ARHGAP42: variants seen among roughly 807,000 people sequenced by gnomAD.
The protein encoded by ARHGAP42 is Rho GTPase activating protein 42, also known as rho GTPase-activating protein 42.
A neutral mutation model predicts 125.0 loss-of-function variants in ARHGAP42; 63 were observed. The ratio of observed to expected loss-of-function variants is 0.50; its 90% CI spans 0.41 to 0.62. The LOEUF (loss-of-function observed/expected upper bound fraction) is 0.62, where lower values mean the gene tolerates loss of function less well. ARHGAP42 is among the 20% of genes least tolerant of loss of function. The pLI is 0.00. For synonymous variants in ARHGAP42, 339 were observed against 351.0 expected (o/e 0.97, Z 0.38); for missense variants, 766 against 1,024.2 (o/e 0.75, Z 3.44).
chr11:100,976,385 A>G lies in ARHGAP42; in HGVS notation c.2184A>G (p.Ser728=), dbSNP rs1436359053. 1 of 1,546,094 alleles carries G rather than the reference A, an allele frequency of 6.5e-7. No homozygotes were observed. Among genetic ancestry groups the G allele is most frequent in the Non-Finnish European group, 8.7e-7 (1 of 1,145,570 alleles). The part of the protein sequence containing the change: ...DLVKKEPYGL[S]GLKRASASSL... ...TCAAGAAAGAGCCTTATGGGCTTTCAGGACTGAAAAGAGCTTCTGCTTCTT... is the reference window on the plus strand; with the variant it reads ...TCAAGAAAGAGCCTTATGGGCTTTCGGGACTGAAAAGAGCTTCTGCTTCTT... Residue 728 remains serine (S), a synonymous_variant, in exon 20 of 24, where the codon TCA becomes TCG. Coordinates refer to ENST00000298815, the MANE Select transcript of ARHGAP42 (RefSeq NM_152432.4).
At chr11:100,720,999 C>T (rs1861748893) in intron 1 of ARHGAP42, among the ~76,000 whole-genome samples, 1 of 151,758 alleles carries the variant, frequency 6.6e-6, no homozygotes, top group African/African-American at 2.4e-5. Flanking sequence ...TACAATATTA[C>T]CCACCTCTTC....
At chr11:100,987,940 C>T (rs1195475989) in intron 23 of ARHGAP42, among the ~76,000 whole-genome samples, 4 of 152,070 alleles carry the variant, frequency 2.6e-5, no homozygotes, top group Admixed American at 6.6e-5. Flanking sequence ...CCATCTTGGC[C>T]AACATGGTGA....
chr11:100,858,468 T>C (rs1865375461), intron 3 of ARHGAP42, among the ~76,000 whole-genome samples: 2 of 152,148 alleles, frequency 1.3e-5, no homozygotes, highest in African/African-American at 4.8e-5. Context: ...CTAGTTTTTA[T>C]TTTTGTATAT....
intron 2 of ARHGAP42, among the ~76,000 whole-genome samples, chr11:100,774,303 C>T (rs564295227): frequency 2.6e-4 from 40 of 152,272 alleles, no homozygotes; most frequent in African/African-American, 9.6e-4. Flanking sequence ...GCTTGTCCAC[C>T]TTCATTGGCT....
At chr11:100,885,763 T>C (rs1232606226) in intron 4 of ARHGAP42, among the ~76,000 whole-genome samples, 1 of 152,208 alleles carries the variant, frequency 6.6e-6, no homozygotes, top group Non-Finnish European at 1.5e-5. Flanking sequence ...ATAATTTTAT[T>C]GCATATATAT....
chr11:100,758,569 G>C (rs769954301), intron 1 of ARHGAP42, among the ~76,000 whole-genome samples: 1 of 152,094 alleles, frequency 6.6e-6, no homozygotes, highest in South Asian at 2.1e-4. Context: ...TATCTTTTTA[G>C]GTCCAGAGAA....
intron 1 of ARHGAP42, among the ~76,000 whole-genome samples, chr11:100,741,405 G>C (rs955864005): frequency 2.0e-5 from 3 of 152,170 alleles, no homozygotes; most frequent in Non-Finnish European, 4.4e-5. Context: ...GTCTGTAAAG[G>C]CATGACGGTA....
At chr11:100,870,064 T>C (rs1309680991) in intron 4 of ARHGAP42, among the ~76,000 whole-genome samples, 1 of 152,220 alleles carries the variant, frequency 6.6e-6, no homozygotes, top group Non-Finnish European at 1.5e-5. Context: ...GACATCTATG[T>C]GAAAGATCTT....
chr11:100,853,487 A>C (rs1274908681), intron 3 of ARHGAP42, among the ~76,000 whole-genome samples: 1 of 152,196 alleles, frequency 6.6e-6, no homozygotes, highest in Admixed American at 6.6e-5. Context: ...TAGTTTCAGA[A>C]CAAGAAGAAG....
intron 1 of ARHGAP42, among the ~76,000 whole-genome samples, chr11:100,707,136 T>C (rs1398115046): frequency 6.6e-6 from 1 of 152,248 alleles, no homozygotes; most frequent in Non-Finnish European, 1.5e-5. Context: ...CAAATTTTGT[T>C]ATCAATTTGT....
At chr11:100,870,398 A>T (rs1421032050) in intron 4 of ARHGAP42, among the ~76,000 whole-genome samples, 2 of 152,222 alleles carry the variant, frequency 1.3e-5, no homozygotes, top group Non-Finnish European at 2.9e-5. Flanking sequence ...CTGTAGATAC[A>T]TTCTTTCCTC....
intron 1 of ARHGAP42, among the ~76,000 whole-genome samples, chr11:100,733,391 G>A (rs988907945): frequency 1.3e-5 from 2 of 152,134 alleles, no homozygotes; most frequent in African/African-American, 4.8e-5. Context: ...GTCTACAGTA[G>A]GGCTAAGAAA....
chr11:100,688,001 T>C (rs1861116924), intron 1 of ARHGAP42, 169 bp downstream of exon 1: 1 of 665,702 alleles, frequency 1.5e-6, no homozygotes, highest in East Asian at 3.0e-5. Context: ...TCTTGAGGTG[T>C]TCTTTACTTA....
chr11:100,900,464 G>A (rs906476615), intron 4 of ARHGAP42, among the ~76,000 whole-genome samples: 2 of 152,244 alleles, frequency 1.3e-5, no homozygotes, highest in Admixed American at 6.5e-5. Flanking sequence ...GCCTTGCTAG[G>A]TTGGGGAAGT....
intron 1 of ARHGAP42, among the ~76,000 whole-genome samples, chr11:100,740,304 G>A (rs1488170212): frequency 2.0e-5 from 3 of 151,594 alleles, no homozygotes; most frequent in African/African-American, 7.3e-5. Flanking sequence ...TTTTCCTTTG[G>A]TGCACAAGGG....
At chr11:100,750,389 G>A (rs1489777084) in intron 1 of ARHGAP42, among the ~76,000 whole-genome samples, 2 of 151,082 alleles carry the variant, frequency 1.3e-5, no homozygotes, top group Non-Finnish European at 2.9e-5. Flanking sequence ...AATTTAAAGA[G>A]AGTGACGGGG....
intron 3 of ARHGAP42, among the ~76,000 whole-genome samples, chr11:100,811,242 T>C (rs1414579590): frequency 6.6e-6 from 1 of 152,084 alleles, no homozygotes; most frequent in Non-Finnish European, 1.5e-5. Flanking sequence ...AGGCGCGAGC[T>C]ACCATGCCTG....
chr11:100,848,754 C>T (rs1466392436), intron 3 of ARHGAP42, among the ~76,000 whole-genome samples: 1 of 152,118 alleles, frequency 6.6e-6, no homozygotes, highest in Non-Finnish European at 1.5e-5. Context: ...GATCTGCCCA[C>T]CTTGGCCTCC....
At chr11:100,762,509 A>G (rs1862729241) in intron 1 of ARHGAP42, among the ~76,000 whole-genome samples, 1 of 152,170 alleles carries the variant, frequency 6.6e-6, no homozygotes, top group Admixed American at 6.5e-5. Flanking sequence ...CCTTCAGCTC[A>G]ACTCTCGTTT....
Sources: allele counts gnomAD v4.1 joint callset (sites outside exome capture counted in the v4.1 genomes callset), GRCh38; gene constraint gnomAD v4.1.1; transcripts MANE v1.5; gene names NCBI Gene and HGNC (gene_info 2026-07-23, HGNC 2026-07-21).